ZNF521: variants seen among roughly 807,000 people sequenced by gnomAD.
The protein encoded by ZNF521 is LYST-interacting protein 3.
In ZNF521, 14 loss-of-function variants were observed where a neutral mutation model predicts 105.5. The ratio of observed to expected loss-of-function variants is 0.13; its 90% CI spans 0.09 to 0.21. ZNF521 has a LOEUF of 0.21. Ranked by LOEUF, ZNF521 falls within the 10% of genes least tolerant of loss-of-function variation. The pLI is 1.00. For missense variants in ZNF521, 1,233 were observed against 1,629.7 expected (o/e 0.76, Z 4.19); for synonymous variants, 635 against 606.0 (o/e 1.05, Z -0.70).
At chr18:25,139,197 C>T (rs138962280) in intron 5 of ZNF521, among the ~76,000 whole-genome samples, 4 of 151,122 alleles carry the variant, frequency 2.6e-5, no homozygotes, top group Non-Finnish European at 5.9e-5. Flanking sequence ...GGTGAAACCC[C>T]GTCTCTACTA....
Position 25,225,620 on chromosome 18 carries a change from G to A in ZNF521, c.2298C>T (p.Asp766=). ...GGTTGTGTTTCACATGGAGCTGCAA[G>A]TCAGTTTCGTTGCGGAAGTCCCAGT... ...SCNWDFRNET[D]LQLHVKHNHL... Residue 766 remains aspartate (D), a synonymous_variant, in exon 4 of 8, where the codon GAC becomes GAT. Coordinates refer to ENST00000361524, the MANE Select transcript of ZNF521 (RefSeq NM_015461.3). The surrounding 1 kb of genome is among the most constrained non-coding windows in gnomAD (Gnocchi z 5.6). 6.2e-7 allele frequency: 1 copy of A among 1,614,194 alleles called. No individual in the cohort carries two copies. The highest frequency in any genetic ancestry group is 1.6e-4 in the Middle Eastern group (1 of 6,062).
chr18:25,237,128 C>T (rs1906951282), intron 3 of ZNF521, among the ~76,000 whole-genome samples: 2 of 152,034 alleles, frequency 1.3e-5, no homozygotes. Context: ...TTGGTAACAG[C>T]CCTGGTAATT....
At position 25,176,167 on chromosome 18, in the gene ZNF521, C is replaced by T. The variant is rs528756975; in HGVS notation, c.3658+18993G>A. Among the ~76,000 whole-genome samples the T allele has an allele frequency of 9.9e-5, 15 of 152,278 alleles. No homozygotes were observed. The East Asian group carries it at 2.3e-3, about 24-fold the overall frequency. ...TTTATGGCTCCATTTATGTCAATGT[C>T]CTAGTGTCATCTGTAATAAACTGGC... On this transcript the variant is annotated intron_variant, in intron 5 of 7. Transcript: ENST00000361524.
chr18:25,115,521 T>C (rs1247935790), intron 5 of ZNF521, among the ~76,000 whole-genome samples: 1 of 152,148 alleles, frequency 6.6e-6, no homozygotes, highest in Non-Finnish European at 1.5e-5. Flanking sequence ...GCATGAATCA[T>C]GGGCTTTTCT....
chr18:25,165,073 G>A (rs2035314627), intron 5 of ZNF521, among the ~76,000 whole-genome samples: 1 of 152,150 alleles, frequency 6.6e-6, no homozygotes, highest in African/African-American at 2.4e-5. Context: ...TTAAACTGAA[G>A]CACTCTTTTA....
intron 3 of ZNF521, among the ~76,000 whole-genome samples, chr18:25,312,494 G>A (rs1912362280): frequency 6.6e-6 from 1 of 152,122 alleles, no homozygotes. Flanking sequence ...ACCGGAAAAG[G>A]AAGCATACTC....
chr18:25,225,552 C>T lies in ZNF521; in HGVS notation c.2366G>A (p.Gly789Asp). ...CTCCACCTCGGTGCCAAAGGACTCACCGCAGAAAATGCACTTATGCACTTT... is the reference window on the plus strand; with the variant it reads ...CTCCACCTCGGTGCCAAAGGACTCATCGCAGAAAATGCACTTATGCACTTT... ...QGKVHKCIFC[G>D]ESFGTEVELQ... The change falls in exon 4 of 8, where the codon GGT becomes GAT. Residue 789 changes from glycine to aspartate, a missense_variant. Gly to Asp is a moderately conservative substitution (Grantham distance 94). Transcript: ENST00000361524. This position sits in a 1 kb window ranked among gnomAD's most constrained non-coding sequence, Gnocchi z 5.6. The T allele has an allele frequency of 1.2e-6, 2 of 1,614,208 alleles. No homozygotes were observed. The highest frequency in any genetic ancestry group is 4.5e-5 in the East Asian group (2 of 44,880).
At position 25,225,668 on chromosome 18, in the gene ZNF521, T is replaced by C; in HGVS notation, c.2250A>G (p.Lys750=). 1 of 1,614,186 alleles carries C rather than the reference T, an allele frequency of 6.2e-7. No individual in the cohort carries two copies. Among genetic ancestry groups the C allele is most frequent in the South Asian group, 1.1e-5 (1 of 91,084 alleles). ...HLAVKHSNEK[K]VYRCTSCNWD... is the part of the protein sequence containing the mutation. ...AGTTGCAAGATGTGCACCTATAGACTTTCTTTTCGTTACTGTGCTTCACAG... is the reference window on the plus strand; with the variant it reads ...AGTTGCAAGATGTGCACCTATAGACCTTCTTTTCGTTACTGTGCTTCACAG... The change falls in exon 4 of 8, where the codon AAA becomes AAG. Residue 750 remains lysine (K), a synonymous_variant. Coordinates refer to ENST00000361524, the MANE Select transcript of ZNF521 (RefSeq NM_015461.3). The surrounding 1 kb of genome is among the most constrained non-coding windows in gnomAD (Gnocchi z 5.6).
chr18:25,169,217 A>G (rs2035404733), intron 5 of ZNF521, among the ~76,000 whole-genome samples: 1 of 152,180 alleles, frequency 6.6e-6, no homozygotes, highest in African/African-American at 2.4e-5. Context: ...CAAAATACAT[A>G]TATTTTTGGA....
At chr18:25,237,432 ATATG>A (rs1906982901) in intron 3 of ZNF521, among the ~76,000 whole-genome samples, 1 of 152,060 alleles carries the variant, frequency 6.6e-6, no homozygotes, top group Non-Finnish European at 1.5e-5. Flanking sequence ...TAAATTATAT[ATATG>A]TGTCTATATA....
chr18:25,111,385 G>A (rs547813371), intron 5 of ZNF521, among the ~76,000 whole-genome samples: 2 of 152,272 alleles, frequency 1.3e-5, no homozygotes, highest in South Asian at 2.1e-4. Context: ...GACGATATTA[G>A]AAGTCATTGT....
chr18:25,268,428 A>G (rs918226937), intron 3 of ZNF521, among the ~76,000 whole-genome samples: 1 of 152,230 alleles, frequency 6.6e-6, no homozygotes, highest in African/African-American at 2.4e-5. Flanking sequence ...CAGGAAATAC[A>G]GAGTACACCA....
intron 5 of ZNF521, among the ~76,000 whole-genome samples, chr18:25,184,334 A>T (rs1364427377): frequency 6.6e-6 from 1 of 152,144 alleles, no homozygotes; most frequent in Non-Finnish European, 1.5e-5. Flanking sequence ...TCTCGAAGAG[A>T]TATAATATAG....
chr18:25,153,302 AATTT>A (rs967162746), intron 5 of ZNF521, among the ~76,000 whole-genome samples: 1 of 152,200 alleles, frequency 6.6e-6, no homozygotes, highest in African/African-American at 2.4e-5. Flanking sequence ...TCAAATTAAA[AATTT>A]ATTTCCTACA....
intron 3 of ZNF521, among the ~76,000 whole-genome samples, chr18:25,267,575 G>A (rs1909357712): frequency 6.6e-6 from 1 of 152,176 alleles, no homozygotes; most frequent in Admixed American, 6.5e-5. Context: ...AGCTTCCAGA[G>A]GAAGAAGCAG....
At chr18:25,173,581 G>A (rs1036450653) in intron 5 of ZNF521, among the ~76,000 whole-genome samples, 1 of 152,124 alleles carries the variant, frequency 6.6e-6, no homozygotes, top group African/African-American at 2.4e-5. Flanking sequence ...AGCAGTATGT[G>A]GATGTTTTTA....
chr18:25,349,792 G>A (rs1054495405), intron 2 of ZNF521, among the ~76,000 whole-genome samples: 4 of 150,224 alleles, frequency 2.7e-5, no homozygotes, highest in Non-Finnish European at 5.9e-5. Context: ...CAGCGGGCCC[G>A]GGCGGGCGCA....
chr18:25,192,690 C>CA (rs35255872), intron 5 of ZNF521, among the ~76,000 whole-genome samples: 13,420 of 128,344 alleles, frequency 0.1, 1,256 homozygotes, highest in African/African-American at 0.27. Context: ...TTTGATTAGA[C>CA]AAAAAAAAAA....
chr18:25,088,645 G>C (rs1202870460), intron 7 of ZNF521, among the ~76,000 whole-genome samples: 1 of 152,048 alleles, frequency 6.6e-6, no homozygotes, highest in Non-Finnish European at 1.5e-5. Flanking sequence ...CATTTTCAAG[G>C]TGAAGTAACA....
Sources: gnomAD v4.1 joint callset for allele counts (sites outside exome capture counted in the v4.1 genomes callset) on GRCh38, gnomAD v4.1.1 for gene constraint, Gnocchi (gnomAD v3.1) non-coding constraint, MANE v1.5 for transcripts, NCBI Gene and HGNC (gene_info 2026-07-23, HGNC 2026-07-21) for gene names.